ZNF668: variants seen among roughly 807,000 people sequenced by gnomAD.
The protein encoded by ZNF668 is zinc finger protein 668.
ZNF668 carries 10 observed loss-of-function variants against 40.3 expected under a neutral mutation model. The observed-to-expected ratio is 0.25, with a 90% CI of 0.15 to 0.42. The LOEUF is 0.42. Among genes scored for constraint, ZNF668 ranks in the 10% least tolerant of loss-of-function variants. The pLI is 1.00. For synonymous variants in ZNF668, 428 were observed against 384.6 expected (o/e 1.11, Z -1.32); for missense variants, 749 against 904.6 (o/e 0.83, Z 2.21).
rs868707553 is a variant in ZNF668 at position 31,062,402 on chromosome 16, A to G, written c.648-122T>C. The stretch of plus-strand genomic sequence containing the variant: ...GTGGGGGCCTAGGCTTAATCCCCTA[A>G]GAGCCACATGGCTGCACCCCAGAGG... On this transcript the variant is annotated intron_variant, in intron 2 of 2. Coordinates refer to ENST00000300849, the MANE Select transcript of ZNF668 (RefSeq NM_024706.5). The G allele has an allele frequency of 1.1e-5, 15 of 1,363,472 alleles. 1 individual carries two copies. The Middle Eastern group carries it at 2.9e-3, about 260-fold the overall frequency. The allele number at this position is 1,363,472 out of a possible 1,614,324, so 84.5% of individuals were successfully genotyped here. A position where few individuals can be genotyped will look rare whatever the true frequency, so the allele number is the denominator to read the frequency against.
Position 31,061,668 on chromosome 16 carries a change from C to G in ZNF668, c.1260G>C (p.Ala420=), listed in dbSNP as rs752227704. ...HERTHRSSEA[A]GVPPAQELVV... ...CCAGCTCCTGTGCAGGGGGCACACCCGCGGCCTCACTGCTTCGATGGGTCC... is the reference window on the plus strand; with the variant it reads ...CCAGCTCCTGTGCAGGGGGCACACCGGCGGCCTCACTGCTTCGATGGGTCC... Residue 420 remains alanine, a synonymous_variant, in exon 3 of 3, where the codon GCG becomes GCC. Coordinates refer to ENST00000300849, the MANE Select transcript of ZNF668 (RefSeq NM_024706.5). The surrounding 1 kb of genome is among the most constrained non-coding windows in gnomAD (Gnocchi z 7.7). 3 of 1,613,128 alleles carry G rather than the reference C, an allele frequency of 1.9e-6. No homozygotes were observed. Among genetic ancestry groups the G allele is most frequent in the Non-Finnish European group, 2.5e-6 (3 of 1,179,908 alleles).
chr16:31,066,144 C>T (rs1879820234), intron 1 of ZNF668: 1 of 985,306 alleles, frequency 1.0e-6, no homozygotes, highest in African/African-American at 1.7e-5. Context: ...TGCCCTCCCT[C>T]CCCAACCCCA....
chr16:31,062,806 A>G (rs2056944416), intron 2 of ZNF668: 1 of 119,744 alleles, frequency 8.4e-6, no homozygotes, highest in African/African-American at 3.1e-5. Flanking sequence ...AAAAAAGACC[A>G]AGACATGGCC....
At chr16:31,073,451 C>G (rs1360673391) in intron 1 of ZNF668, 1 of 152,220 alleles carries the variant, frequency 6.6e-6, no homozygotes, top group East Asian at 1.9e-4. Flanking sequence ...GTGTCCGCAG[C>G]CCAGAACCGC....
chr16:31,063,457 T>C (rs1430305483), intron 2 of ZNF668, among the ~76,000 whole-genome samples: 3 of 129,514 alleles, frequency 2.3e-5, no homozygotes, highest in African/African-American at 8.9e-5. Flanking sequence ...ATGTAGAGGC[T>C]GAGAAAAAGA....
In ZNF668 at chr16:31,068,150, T is replaced by C. The variant is rs1342070153; in HGVS notation, c.-22-3669A>G. On this transcript the variant is annotated intron_variant, in intron 1 of 2. Coordinates refer to ENST00000300849, the MANE Select transcript of ZNF668 (RefSeq NM_024706.5). Reference sequence around the variant, plus strand: ...GGGGAAAAGGTAGGGGAGTGCCAGGTTGGTCTCAGCATGCGCCCAGCTACA... The same window carrying C: ...GGGGAAAAGGTAGGGGAGTGCCAGGCTGGTCTCAGCATGCGCCCAGCTACA... Among the ~76,000 whole-genome samples, 6 of 143,274 alleles carry C rather than the reference T, an allele frequency of 4.2e-5. No individual in the cohort carries two copies. In the East Asian group the frequency reaches 1.3e-3, roughly 31 times the overall value. 94.0% of individuals were successfully genotyped at this position (143,274 alleles called of 152,430 possible).
At chr16:31,065,084 A>T in intron 1 of ZNF668, 1 of 1,030,316 alleles carries the variant, frequency 9.7e-7, no homozygotes, top group Middle Eastern at 4.8e-4. Flanking sequence ...CCCAGACTGG[A>T]ATCTGTCCAC....
chr16:31,064,855 C>T (rs1329879223), intron 1 of ZNF668: 11 of 1,435,016 alleles, frequency 7.7e-6, no homozygotes, highest in Non-Finnish European at 1.0e-5. Context: ...AGAGTGTACC[C>T]AGACGTGGGC....
Position 31,061,106 on chromosome 16 carries a change from C to T in ZNF668, c.1822G>A (p.Val608Met). 4 of 1,503,290 alleles carry T rather than the reference C, an allele frequency of 2.7e-6. No homozygotes were observed. Among genetic ancestry groups the T allele is most frequent in the Non-Finnish European group, 3.5e-6 (4 of 1,128,426 alleles). 93.1% of individuals were successfully genotyped at this position (1,503,290 alleles called of 1,614,324 possible). A position where few individuals can be genotyped will look rare whatever the true frequency, so the allele number is the denominator to read the frequency against. Reference sequence around the variant, plus strand: ...TCTTCAGGCATTCCTAGCAAAGCCACCAGGGGCTCCAGGGGTGTGGGGGTC... The same window carrying T: ...TCTTCAGGCATTCCTAGCAAAGCCATCAGGGGCTCCAGGGGTGTGGGGGTC... ...MGTPTPLEPL[V>M]ALLGMPEEGP... Residue 608 changes from valine (V) to methionine (M), a missense_variant, in exon 3 of 3, where the codon GTG becomes ATG. Coordinates refer to ENST00000300849, the MANE Select transcript of ZNF668 (RefSeq NM_024706.5). The surrounding 1 kb of genome is among the most constrained non-coding windows in gnomAD (Gnocchi z 7.7).
chr16:31,064,061 C>T lies in ZNF668; in HGVS notation c.399G>A (p.Ser133=). ...QPVCLRVHLA[S]HAGELPFRCA... is the part of the protein sequence containing the mutation. The stretch of plus-strand genomic sequence containing the variant: ...AGCGGAAGGGCAGTTCGCCAGCGTG[C>T]GAGGCCAGGTGCACGCGCAGGCACA... Residue 133 remains serine (S), a synonymous_variant, in exon 2 of 3, where the codon TCG becomes TCA. Coordinates refer to ENST00000300849, the MANE Select transcript of ZNF668 (RefSeq NM_024706.5). 2 of 1,603,626 alleles carry T rather than the reference C, an allele frequency of 1.2e-6. No individual in the cohort carries two copies. Among genetic ancestry groups the T allele is most frequent in the Non-Finnish European group, 1.7e-6 (2 of 1,174,228 alleles).
At chr16:31,064,617 A>G (rs778331153) in intron 1 of ZNF668, 136 bp from the exon 2 acceptor site, 1 of 1,538,642 alleles carries the variant, frequency 6.5e-7, no homozygotes, top group East Asian at 2.4e-5. Context: ...TGGCTCTGAC[A>G]TCCTGCGTTC....
At chr16:31,062,555 G>A in intron 2 of ZNF668, 2 of 393,950 alleles carry the variant, frequency 5.1e-6, no homozygotes, top group Non-Finnish European at 9.2e-6. Flanking sequence ...CCGAGGTCAG[G>A]AGATCGAGAC....
Position 31,062,073 on chromosome 16 carries a change from G to A in ZNF668, c.855C>T (p.Cys285=), listed in dbSNP as rs1220440319. The change falls in exon 3 of 3, where the codon TGC becomes TGT. Residue 285 remains cysteine (C), a synonymous_variant. Coordinates refer to ENST00000300849, the MANE Select transcript of ZNF668 (RefSeq NM_024706.5). The part of the protein sequence containing the change: ...SGEKPFLCPR[C]GRMFSDPSSF... ...TCGAGGGGTCGGAGAACATGCGGCC[G>A]CAGCGCGGGCACAGGAAGGGCTTCT... 7 of 1,613,134 alleles carry A rather than the reference G, an allele frequency of 4.3e-6. No individual in the cohort carries two copies. In the Admixed American group the frequency reaches 5.0e-5, roughly 12 times the overall value.
chr16:31,072,290 C>A (rs2057020388), intron 1 of ZNF668, among the ~76,000 whole-genome samples: 1 of 152,190 alleles, frequency 6.6e-6, no homozygotes, highest in Admixed American at 6.5e-5. Flanking sequence ...AAAGAACCAA[C>A]CTCAGATGAA....
At chr16:31,063,495 G>A (rs1253606357) in intron 2 of ZNF668, among the ~76,000 whole-genome samples, 1 of 151,782 alleles carries the variant, frequency 6.6e-6, no homozygotes, top group Non-Finnish European at 1.5e-5. Context: ...GACAAACCAG[G>A]CCCCACTCAC....
In ZNF668 at chr16:31,064,231, A is replaced by C; in HGVS notation, c.229T>G (p.Ser77Ala). ...EEASGEKVSG[S>A]AAKPRPYACP... ...GCATAGGGCCTAGGCTTGGCCGCGG[A>C]GCCTGACACCTTCTCCCCACTGGCT... The change falls in exon 2 of 3, where the codon TCC becomes GCC. Residue 77 changes from serine (S) to alanine (A), a missense_variant. Physicochemically the swap from Ser to Ala is moderately conservative, Grantham distance 99. Around this residue, in one of 4 missense-constraint regions of ZNF668, gnomAD observed 159 missense variants for 139.8 expected, o/e 1.14. Coordinates refer to ENST00000300849, the MANE Select transcript of ZNF668 (RefSeq NM_024706.5). 1 of 1,613,372 alleles carries C rather than the reference A, an allele frequency of 6.2e-7. No individual in the cohort carries two copies.
Position 31,062,458 on chromosome 16 carries a change from A to T in ZNF668, c.648-178T>A, listed in dbSNP as rs2056939203. On this transcript the variant is annotated intron_variant, in intron 2 of 2. Coordinates refer to ENST00000300849, the MANE Select transcript of ZNF668 (RefSeq NM_024706.5). ...GCCTTCAGGCTGGCTGGGTGTCTCT[A>T]TTCCAAAGACCTGTCTCTGCACATT... is the stretch of plus-strand genomic sequence containing the variant. 4.6e-6 allele frequency: 4 copies of T among 865,728 alleles called. No individual in the cohort carries two copies. The East Asian group carries it at 1.1e-4, about 24-fold the overall frequency. The allele number at this position is 865,728 out of a possible 1,614,324, so 53.6% of individuals were successfully genotyped here. A position where few individuals can be genotyped will look rare whatever the true frequency, so the allele number is the denominator to read the frequency against.
At chr16:31,069,622 CTA>C (rs1299039154) in intron 1 of ZNF668, among the ~76,000 whole-genome samples, 2 of 151,998 alleles carry the variant, frequency 1.3e-5, no homozygotes, top group African/African-American at 4.8e-5. Context: ...TTTCTCAATG[CTA>C]TCTTTACCCC....
At chr16:31,071,290 C>T (rs1438551127) in intron 1 of ZNF668, among the ~76,000 whole-genome samples, 1 of 152,154 alleles carries the variant, frequency 6.6e-6, no homozygotes, top group South Asian at 2.1e-4. Context: ...CCTCAGCCTC[C>T]CGAGTAGCTG....
Sources: allele counts gnomAD v4.1 joint callset (sites outside exome capture counted in the v4.1 genomes callset), GRCh38; gene constraint gnomAD v4.1.1; regional missense constraint gnomAD v4.1.1; non-coding constraint Gnocchi (gnomAD v3.1); transcripts MANE v1.5; gene names NCBI Gene and HGNC (gene_info 2026-07-23, HGNC 2026-07-21).